ASH1L: variants seen among roughly 807,000 people sequenced by gnomAD.
ASH1L encodes the protein histone-lysine N-methyltransferase ASH1L.
ASH1L carries 23 observed loss-of-function variants against 269.0 expected under a neutral mutation model. The observed-to-expected ratio is 0.09, with a 90% CI of 0.06 to 0.12. ASH1L has a LOEUF of 0.12. Among genes scored for constraint, ASH1L ranks in the 10% least tolerant of loss-of-function variants. The probability of loss-of-function intolerance (pLI) is 1.00; values close to 1 mark genes in which losing one functional copy is unlikely to be tolerated. For missense variants in ASH1L, 2,912 were observed against 3,567.8 expected (o/e 0.82, Z 4.68); for synonymous variants, 1,187 against 1,253.5 (o/e 0.95, Z 1.12).
intron 1 of ASH1L, among the ~76,000 whole-genome samples, chr1:155,550,113 C>T (rs960096741): frequency 1.3e-4 from 19 of 151,594 alleles, no homozygotes; most frequent in South Asian, 1.2e-3. Context: ...CTCCACCTCC[C>T]GAGTTCAAGC....
In ASH1L at chr1:155,357,759, G is replaced by GA; in HGVS notation, c.6796-11dup. The GA allele has an allele frequency of 6.3e-7, 1 of 1,598,738 alleles. No homozygotes were observed. Among genetic ancestry groups the GA allele is most frequent in the Non-Finnish European group, 8.5e-7 (1 of 1,175,780 alleles). ...CACACTTACAAAGTTGCTTTGAAGGGAGAGAATAATTTTTTTATTTTTATT... is the reference window on the plus strand; with the variant it reads ...CACACTTACAAAGTTGCTTTGAAGGGAAGAGAATAATTTTTTTATTTTTATT... On this transcript the variant is annotated splice_polypyrimidine_tract_variant and intron_variant, in intron 13 of 27. Coordinates refer to ENST00000392403, the MANE Select transcript of ASH1L (RefSeq NM_018489.3).
At chr1:155,489,275 A>C (rs1666579266) in intron 2 of ASH1L, among the ~76,000 whole-genome samples, 1 of 151,828 alleles carries the variant, frequency 6.6e-6, no homozygotes, top group Non-Finnish European at 1.5e-5. Context: ...GTTTGAGACC[A>C]GCCTGATCAA....
At chr1:155,351,810 C>T (rs1363542110) in intron 17 of ASH1L, among the ~76,000 whole-genome samples, 1 of 151,220 alleles carries the variant, frequency 6.6e-6, no homozygotes, top group South Asian at 2.1e-4. Flanking sequence ...GAGATCATGC[C>T]ACTGCACTCC....
chr1:155,395,589 C>A, intron 6 of ASH1L, 36 bp from the exon 7 acceptor site: 1 of 1,520,010 alleles, frequency 6.6e-7, no homozygotes, highest in Non-Finnish European at 9.0e-7. Flanking sequence ...AGTCAAGAGG[C>A]AAAGAAATTT....
rs757325848 is a variant in ASH1L, at chr1:155,562,212, G to T, written c.-159C>A. The T allele has an allele frequency of 6.2e-7, 1 of 1,609,472 alleles. No homozygotes were observed. Among genetic ancestry groups the T allele is most frequent in the Non-Finnish European group, 8.5e-7 (1 of 1,176,294 alleles). On this transcript the variant is annotated 5_prime_UTR_variant, in exon 1 of 28. Coordinates refer to ENST00000392403, the MANE Select transcript of ASH1L (RefSeq NM_018489.3). The stretch of plus-strand genomic sequence containing the variant: ...GAGAGTGCAGGGAAGTGGGGAAGAG[G>T]GGGTGGCCGCCAGGCTCCTCCGCTT...
At chr1:155,416,536 T>A (rs1428197202) in intron 5 of ASH1L, among the ~76,000 whole-genome samples, 1 of 151,896 alleles carries the variant, frequency 6.6e-6, no homozygotes, top group Non-Finnish European at 1.5e-5. Flanking sequence ...GCCTTTCTTT[T>A]ATCTTTTTTT....
chr1:155,347,262 T>C (rs1201331483), intron 20 of ASH1L, among the ~76,000 whole-genome samples: 1 of 152,022 alleles, frequency 6.6e-6, no homozygotes, highest in Non-Finnish European at 1.5e-5. Flanking sequence ...TAGCCGGGCA[T>C]GGTGGCACGT....
intron 2 of ASH1L, among the ~76,000 whole-genome samples, chr1:155,516,017 T>C (rs537814032): frequency 6.4e-4 from 98 of 152,200 alleles, no homozygotes; most frequent in Admixed American, 3.7e-3. Flanking sequence ...CCTTTCCTCT[T>C]GTTTCTTACA....
intron 5 of ASH1L, among the ~76,000 whole-genome samples, chr1:155,436,233 A>G (rs995921776): frequency 6.6e-6 from 1 of 151,970 alleles, no homozygotes; most frequent in Non-Finnish European, 1.5e-5. Flanking sequence ...CTTGTTGCCC[A>G]GGCTGGAGTG....
intron 1 of ASH1L, among the ~76,000 whole-genome samples, chr1:155,545,880 G>T (rs556710228): frequency 1.3e-5 from 2 of 151,924 alleles, no homozygotes; most frequent in South Asian, 2.1e-4. Context: ...AATTAGGCTG[G>T]ATGCAGTGGC....
Position 155,521,092 on chromosome 1 carries a change from C to T in ASH1L, c.420+8G>A, listed in dbSNP as rs1668854173. The T allele has an allele frequency of 5.1e-6, 8 of 1,581,618 alleles. No homozygotes were observed. Among genetic ancestry groups the T allele is most frequent in the Non-Finnish European group, 6.9e-6 (8 of 1,167,614 alleles). On this transcript the variant is annotated splice_region_variant and intron_variant, in intron 2 of 27. Coordinates refer to ENST00000392403, the MANE Select transcript of ASH1L (RefSeq NM_018489.3). ...CAATAACCACATATTGTTAGGAATT[C>T]TACTTACTCGTTTTGAAGGACAGTG...
intron 6 of ASH1L, among the ~76,000 whole-genome samples, chr1:155,412,453 G>C (rs1425574740): frequency 1.3e-5 from 2 of 151,990 alleles, no homozygotes; most frequent in African/African-American, 4.8e-5. Flanking sequence ...CAAAAAGAAA[G>C]GTTCAGAGAG....
In ASH1L at chr1:155,545,175, C is replaced by CAAAAAAA. The variant is rs10624841; in HGVS notation, c.-100+16971_-100+16977dup. ...CAAGAAGAGCAAAACTCCATCTCAC[C>CAAAAAAA]AAAAAAAAAAAAAAAAAAAAAAAAA... On this transcript the variant is annotated intron_variant, in intron 1 of 27. Coordinates refer to ENST00000392403, the MANE Select transcript of ASH1L (RefSeq NM_018489.3). 9.5e-3 allele frequency among the ~76,000 whole-genome samples: 206 copies of CAAAAAAA among 21,782 alleles called. 65 individuals carry two copies. Among genetic ancestry groups the CAAAAAAA allele is most frequent in the East Asian group, 0.01 (3 of 292 alleles). 14.3% of individuals were successfully genotyped at this position (21,782 alleles called of 152,430 possible). A position where few individuals can be genotyped will look rare whatever the true frequency, so the allele number is the denominator to read the frequency against.
chr1:155,387,869 C>T (rs1013648238), intron 7 of ASH1L, among the ~76,000 whole-genome samples: 1 of 152,068 alleles, frequency 6.6e-6, no homozygotes, highest in African/African-American at 2.4e-5. Flanking sequence ...TAGCTGTATT[C>T]CTAGGTATTT....
chr1:155,363,140 C>T (rs1467097791), intron 12 of ASH1L, among the ~76,000 whole-genome samples: 5 of 152,098 alleles, frequency 3.3e-5, no homozygotes, highest in East Asian at 1.9e-4. Flanking sequence ...CATGCCACCA[C>T]GCCTGGCTAA....
intron 1 of ASH1L, among the ~76,000 whole-genome samples, chr1:155,546,436 G>A (rs1446713872): frequency 6.6e-6 from 1 of 152,096 alleles, no homozygotes; most frequent in Non-Finnish European, 1.5e-5. Flanking sequence ...CTAACCACTA[G>A]CATTCCTTAC....
intron 2 of ASH1L, among the ~76,000 whole-genome samples, chr1:155,503,166 C>T (rs923979068): frequency 6.6e-6 from 1 of 152,118 alleles, no homozygotes; most frequent in African/African-American, 2.4e-5. Flanking sequence ...GAAGCAGGTG[C>T]CATTTTGTTT....
At chr1:155,353,472 T>C (rs1238307007) in intron 16 of ASH1L, among the ~76,000 whole-genome samples, 2 of 152,082 alleles carry the variant, frequency 1.3e-5, no homozygotes, top group Non-Finnish European at 2.9e-5. Context: ...TCACATAGAA[T>C]TGCTTCTACC....
At chr1:155,366,045 C>T (rs1655393624) in intron 12 of ASH1L, among the ~76,000 whole-genome samples, 1 of 152,118 alleles carries the variant, frequency 6.6e-6, no homozygotes, top group Admixed American at 6.6e-5. Flanking sequence ...TAAAATTAGG[C>T]TGAGATCTGC....
Sources: allele counts gnomAD v4.1 joint callset (sites outside exome capture counted in the v4.1 genomes callset), GRCh38; gene constraint gnomAD v4.1.1; transcripts MANE v1.5; gene names NCBI Gene and HGNC (gene_info 2026-07-23, HGNC 2026-07-21).